The following RC3H1 variants were observed in gnomAD, a reference collection of about 807,000 sequenced individuals.
RC3H1 encodes ring finger and CCCH-type domains 1.
RC3H1 carries 50 observed loss-of-function variants against 138.2 expected under a neutral mutation model. That is an observed-to-expected ratio of 0.36 (90% CI 0.29 to 0.46). The LOEUF is 0.46. Ranked by LOEUF, RC3H1 falls within the 20% of genes least tolerant of loss-of-function variation. The pLI, the probability that RC3H1 is intolerant of heterozygous loss-of-function variation, is 1.00. For synonymous variants in RC3H1, 462 were observed against 489.1 expected, an observed-to-expected ratio of 0.94 and a Z score of 0.73; for missense variants, 1,031 against 1,388.1, an observed-to-expected ratio of 0.74 and a Z score of 4.09.
At chr1:173,943,706 T>C in intron 17 of RC3H1, 91 bp from the exon 18 acceptor site, 1 of 1,289,194 alleles carries the variant, frequency 7.8e-7, no homozygotes, top group South Asian at 1.7e-5. Flanking sequence ...CAGCCTTGAG[T>C]AGCTTATCAC....
chr1:173,979,352 G>A (rs1660710357), intron 6 of RC3H1, among the ~76,000 whole-genome samples: 1 of 152,170 alleles, frequency 6.6e-6, no homozygotes, highest in South Asian at 2.1e-4. Flanking sequence ...CTTTATAAAA[G>A]ACAAGCCAAG....
At chr1:173,974,014 A>G (rs764627847) in intron 7 of RC3H1, among the ~76,000 whole-genome samples, 2 of 152,148 alleles carry the variant, frequency 1.3e-5, no homozygotes, top group Non-Finnish European at 2.9e-5. Flanking sequence ...TAGAGCTAAG[A>G]AGAGAAGTGG....
intron 7 of RC3H1, among the ~76,000 whole-genome samples, chr1:173,973,218 T>C (rs1308188040): frequency 2.0e-5 from 3 of 152,154 alleles, no homozygotes; most frequent in East Asian, 3.8e-4. Flanking sequence ...TTTATATAAA[T>C]AAAGTTTTGG....
At chr1:173,990,957 C>T (rs781078627) in intron 2 of RC3H1, among the ~76,000 whole-genome samples, 8 of 152,058 alleles carry the variant, frequency 5.3e-5, no homozygotes, top group African/African-American at 7.2e-5. Flanking sequence ...TAGCTGGGTA[C>T]GGTGGCTCAT....
At chr1:173,985,450 C>CTTCTACATTTTATGTAGAAAGATAATAA (rs1557943906) in intron 2 of RC3H1, among the ~76,000 whole-genome samples, 1 of 152,040 alleles carries the variant, frequency 6.6e-6, no homozygotes, top group African/African-American at 2.4e-5. Context: ...AAAGATAATT[C>CTTCTACATTTTATGTAGAAAGATAATAA]TTCTACTCAT....
intron 17 of RC3H1, among the ~76,000 whole-genome samples, chr1:173,945,127 T>A (rs1659077930): frequency 1.2e-5 from 1 of 86,302 alleles, no homozygotes; most frequent in Non-Finnish European, 1.9e-5. Flanking sequence ...AAAAATTCCT[T>A]TTTTTTTTTT....
intron 5 of RC3H1, among the ~76,000 whole-genome samples, chr1:173,981,339 C>T (rs1175001487): frequency 6.6e-6 from 1 of 152,046 alleles, no homozygotes; most frequent in Non-Finnish European, 1.5e-5. Flanking sequence ...TGCATTAAAC[C>T]ACTTGAGCAT....
In RC3H1 at chr1:173,990,374, C is replaced by T. The variant is rs1057039324; in HGVS notation, c.231+2381G>A. On this transcript the variant is annotated intron_variant, in intron 2 of 19. Transcript: ENST00000367696. ...GATTATAGGCATGAGCCACTGCACC[C>T]GGTCTAATTTTACATTTCTTTTGTT... Among the ~76,000 whole-genome samples the T allele has an allele frequency of 7.3e-5, 11 of 151,564 alleles. No homozygotes were observed. The East Asian group carries it at 1.6e-3, about 22-fold the overall frequency.
Position 173,938,817 on chromosome 1 carries a change from G to A in RC3H1, c.3306C>T (p.Asn1102=), listed in dbSNP as rs371539643. The part of the protein sequence containing the change: ...LTQENISLLS[N]KTSSLNLSED... ...CTGACAGGTTCAGAGAGCTGGTCTT[G>A]TTTGATAGGAGGCTGATATTCTCTT... is the stretch of plus-strand genomic sequence containing the variant. Residue 1102 remains asparagine, a synonymous_variant, in exon 20 of 20, where the codon AAC becomes AAT. Coordinates refer to ENST00000367696, the MANE Select transcript of RC3H1 (RefSeq NM_172071.4). 3.6e-5 allele frequency: 58 copies of A among 1,613,572 alleles called. No individual in the cohort carries two copies. Among genetic ancestry groups the A allele is most frequent in the Non-Finnish European group, 4.8e-5 (57 of 1,179,592 alleles).
intron 13 of RC3H1, among the ~76,000 whole-genome samples, chr1:173,960,665 A>G (rs953314600): frequency 2.6e-5 from 4 of 152,224 alleles, no homozygotes; most frequent in African/African-American, 9.6e-5. Context: ...AAAAATAACA[A>G]TACTAGAAAA....
rs1480048207 is a variant in RC3H1 at position 173,936,751 on chromosome 1, ATATATATATATT to A, written c.*1958_*1969del. 514 of 58,676 alleles carry A rather than the reference ATATATATATATT, an allele frequency of 8.8e-3. 3 individuals carry two copies. Among genetic ancestry groups the A allele is most frequent in the African/African-American group, 0.062 (316 of 5,090 alleles). The allele number at this position is 58,676 out of a possible 1,614,324, so 3.6% of individuals were successfully genotyped here. On this transcript the variant is annotated 3_prime_UTR_variant, in exon 20 of 20. Coordinates refer to ENST00000367696, the MANE Select transcript of RC3H1 (RefSeq NM_172071.4). ...CATACATATATATATATATATATAT[ATATATATATATT>A]TTTTTTTTTTTTTTTAAAAAAAGAA...
chr1:173,960,597 G>A (rs7413166), intron 13 of RC3H1, among the ~76,000 whole-genome samples: 62,692 of 152,068 alleles, frequency 0.41, 17,687 homozygotes, highest in African/African-American at 0.8. Context: ...CAGATCTGAT[G>A]TAATCCTAAT....
chr1:173,988,480 C>T (rs1661125297), intron 2 of RC3H1, among the ~76,000 whole-genome samples: 1 of 152,148 alleles, frequency 6.6e-6, no homozygotes, highest in Non-Finnish European at 1.5e-5. Flanking sequence ...ATCCATTCAC[C>T]TATTAAAAGA....
At chr1:174,007,891 T>C (rs1661681891) in intron 1 of RC3H1, among the ~76,000 whole-genome samples, 1 of 152,220 alleles carries the variant, frequency 6.6e-6, no homozygotes, top group South Asian at 2.1e-4. Context: ...CAATGATGAC[T>C]TGTAGATTTT....
Position 173,983,573 on chromosome 1 carries a change from A to G in RC3H1, c.437T>C (p.Val146Ala), listed in dbSNP as rs72711434. The G allele has an allele frequency of 4.5e-3, 7,257 of 1,614,166 alleles. 26 individuals carry two copies. The highest frequency in any genetic ancestry group is 5.4e-3 in the Non-Finnish European group (6,417 of 1,180,012). Residue 146 changes from valine to alanine, a missense_variant, in exon 4 of 20, where the codon GTA (valine) becomes GCA (alanine). Transcript: ENST00000367696. ...GGCACGAATCCTGCCTTCTTCTTCTACTAGTTGACAGTGGACTAGAGTCAC... is the reference window on the plus strand; with the variant it reads ...GGCACGAATCCTGCCTTCTTCTTCTGCTAGTTGACAGTGGACTAGAGTCAC... ...KLVTLVHCQL[V>A]EEEGRIRAMR...
In RC3H1 at chr1:173,932,165, C is replaced by G. The variant is rs1658407276; in HGVS notation, c.*6556G>C. The G allele has an allele frequency of 6.6e-6, 1 of 151,868 alleles. No homozygotes were observed. The highest frequency in any genetic ancestry group is 2.4e-5 in the African/African-American group (1 of 41,342). 9.4% of individuals were successfully genotyped at this position (151,868 alleles called of 1,614,324 possible). On this transcript the variant is annotated 3_prime_UTR_variant, in exon 20 of 20. Transcript: ENST00000367696. ...TCTGCAGGGCACAATCACTTACAAT[C>G]AATACGATTGGTAAATTACACAAGC...
chr1:173,954,164 T>C (rs1553225777), intron 13 of RC3H1, among the ~76,000 whole-genome samples: 4 of 152,200 alleles, frequency 2.6e-5, no homozygotes, highest in Non-Finnish European at 5.9e-5. Flanking sequence ...ATAGCCAAGA[T>C]ATGGAATCAA....
rs372400145 is a variant in RC3H1 at position 174,015,249 on chromosome 1, CTT to C, written c.-151+6845_-151+6846del. On this transcript the variant is annotated intron_variant, in intron 1 of 19. Coordinates refer to ENST00000367696, the MANE Select transcript of RC3H1 (RefSeq NM_172071.4). Reference sequence around the variant, plus strand: ...ATTAATTTTTCTGATAATTATAGGCCTTTTTTTTTTTTTTGGCCTACTTCTTA... The same window carrying C: ...ATTAATTTTTCTGATAATTATAGGCCTTTTTTTTTTTTGGCCTACTTCTTA... Among the ~76,000 whole-genome samples, 76 of 139,858 alleles carry C rather than the reference CTT, an allele frequency of 5.4e-4. No homozygotes were observed. In the Middle Eastern group the frequency reaches 0.011, roughly 20 times the overall value. 91.8% of individuals were successfully genotyped at this position (139,858 alleles called of 152,430 possible).
rs75814656 is a variant in RC3H1, at chr1:173,960,861, C to T, written c.2370+216G>A. 2.6e-4 allele frequency among the ~76,000 whole-genome samples: 40 copies of T among 151,856 alleles called. No homozygotes were observed. The East Asian group carries it at 7.3e-3, about 28-fold the overall frequency. On this transcript the variant is annotated intron_variant, in intron 13 of 19. Transcript: ENST00000367696. ...TCATTAAATTGTGCCGAGTCAGTGC[C>T]TTACAGGAACAAAAAAAAAGATCTT...
Sources: gnomAD v4.1 joint callset for allele counts (sites outside exome capture counted in the v4.1 genomes callset) on GRCh38, gnomAD v4.1.1 for gene constraint, MANE v1.5 for transcripts, NCBI Gene and HGNC (gene_info 2026-07-23, HGNC 2026-07-21) for gene names.